CLNK: variants seen among roughly 807,000 people sequenced by gnomAD.
CLNK encodes cytokine-dependent hematopoietic cell linker.
In CLNK, 74 loss-of-function variants were observed where a neutral mutation model predicts 68.6. That is an observed-to-expected ratio of 1.08 (90% CI 0.89 to 1.31). The LOEUF (loss-of-function observed/expected upper bound fraction) is 1.31. Among genes scored for constraint, CLNK ranks in the 50% most tolerant of loss-of-function variants. The pLI is 0.00. For synonymous variants in CLNK, 198 were observed against 172.2 expected (o/e 1.15, Z -1.17); for missense variants, 553 against 515.3 (o/e 1.07, Z -0.71).
intron 18 of CLNK, among the ~76,000 whole-genome samples, chr4:10,492,604 G>T (rs935667434): frequency 6.6e-6 from 1 of 152,124 alleles, no homozygotes. Context: ...GGGGCTGTTG[G>T]GAGGGAACGT....
the CLNK span, among the ~76,000 whole-genome samples, chr4:10,730,532 C>G: frequency 6.6e-6 from 1 of 152,102 alleles, no homozygotes; most frequent in African/African-American, 2.4e-5. Flanking sequence ...TCCAAATTTC[C>G]CTTTCCCCTA....
chr4:10,509,144 A>G (rs1355018227), intron 16 of CLNK, among the ~76,000 whole-genome samples: 1 of 151,244 alleles, frequency 6.6e-6, no homozygotes, highest in Non-Finnish European at 1.5e-5. Flanking sequence ...AACCTGTCAC[A>G]TGGTTGGCAA....
At chr4:10,648,395 C>T (rs1723595482) in intron 2 of CLNK, among the ~76,000 whole-genome samples, 1 of 152,162 alleles carries the variant, frequency 6.6e-6, no homozygotes, top group Admixed American at 6.6e-5. Context: ...TGCAATGCCA[C>T]ATATTTCTCA....
At chr4:10,664,087 C>T (rs548814113) in intron 2 of CLNK, among the ~76,000 whole-genome samples, 48 of 152,180 alleles carry the variant, frequency 3.2e-4, no homozygotes, top group Non-Finnish European at 6.8e-4. Context: ...AAGACTAAGG[C>T]AGATAGTAAG....
At chr4:10,536,972 T>C (rs1718784266) in intron 11 of CLNK, among the ~76,000 whole-genome samples, 1 of 152,154 alleles carries the variant, frequency 6.6e-6, no homozygotes, top group Admixed American at 6.5e-5. Flanking sequence ...TTAAATACCT[T>C]CAAAGCTTTT....
chr4:10,690,788 C>A, the CLNK span, among the ~76,000 whole-genome samples: 3 of 152,114 alleles, frequency 2.0e-5, no homozygotes, highest in African/African-American at 7.2e-5. Flanking sequence ...CATTCATGTC[C>A]CACTGTCTCC....
the CLNK span, among the ~76,000 whole-genome samples, chr4:10,708,152 G>T: frequency 6.6e-5 from 10 of 152,298 alleles, no homozygotes; most frequent in East Asian, 1.9e-3. Flanking sequence ...TGAAGTCAGA[G>T]AGACTGGGCT....
the CLNK span, among the ~76,000 whole-genome samples, chr4:10,724,524 G>T: frequency 6.6e-6 from 1 of 150,492 alleles, no homozygotes; most frequent in Non-Finnish European, 1.5e-5. Flanking sequence ...GTCCAGTGAG[G>T]GCAGAAAGTT....
chr4:10,547,018 A>T (rs546161738), intron 8 of CLNK, among the ~76,000 whole-genome samples: 1 of 152,110 alleles, frequency 6.6e-6, no homozygotes, highest in South Asian at 2.1e-4. Context: ...TCATCTATTA[A>T]CCCATTAACC....
intron 18 of CLNK, among the ~76,000 whole-genome samples, chr4:10,499,904 C>T (rs1716970323): frequency 6.6e-6 from 1 of 152,110 alleles, no homozygotes; most frequent in Non-Finnish European, 1.5e-5. Flanking sequence ...GGACTCATCC[C>T]AATAACCTTG....
intron 11 of CLNK, among the ~76,000 whole-genome samples, chr4:10,533,356 G>A (rs1003819170): frequency 6.6e-6 from 1 of 152,218 alleles, no homozygotes; most frequent in Non-Finnish European, 1.5e-5. Context: ...TATGAAGGGA[G>A]TGGAGTGAGG....
rs73810363 is a variant in CLNK at position 10,661,660 on chromosome 4, A to G, written c.11+6199T>C. On this transcript the variant is annotated intron_variant, in intron 2 of 18. Transcript: ENST00000226951. ...GTATCATTTTTACTCTTTCAGTCTT[A>G]AAACTAGACACTGCATTCAAGTGAG... Among the ~76,000 whole-genome samples the G allele has an allele frequency of 3.2e-3, 494 of 152,334 alleles. 2 individuals are homozygous for G. Among genetic ancestry groups the G allele is most frequent in the African/African-American group, 0.011 (477 of 41,576 alleles).
At chr4:10,558,253 T>C (rs1303067007) in intron 8 of CLNK, among the ~76,000 whole-genome samples, 154 bp downstream of exon 8, 1 of 152,256 alleles carries the variant, frequency 6.6e-6, no homozygotes, top group African/African-American at 2.4e-5. Flanking sequence ...TGTGAGACTC[T>C]GTCTAAAATT....
At chr4:10,521,768 A>G (rs918664180) in intron 14 of CLNK, among the ~76,000 whole-genome samples, 1 of 152,232 alleles carries the variant, frequency 6.6e-6, no homozygotes, top group African/African-American at 2.4e-5. Flanking sequence ...CGTTAAAACC[A>G]GAATCCTTTT....
chr4:10,605,123 A>G (rs1225086893), intron 2 of CLNK, among the ~76,000 whole-genome samples: 2 of 152,176 alleles, frequency 1.3e-5, no homozygotes, highest in Non-Finnish European at 2.9e-5. Flanking sequence ...TAAGACTACA[A>G]CATCAACTCT....
chr4:10,696,497 G>C, the CLNK span, among the ~76,000 whole-genome samples: 1 of 152,154 alleles, frequency 6.6e-6, no homozygotes, highest in East Asian at 1.9e-4. Context: ...GCAGTCTAGG[G>C]GAGCTGAAAC....
chr4:10,693,586 T>G, the CLNK span, among the ~76,000 whole-genome samples: 1 of 152,220 alleles, frequency 6.6e-6, no homozygotes, highest in Non-Finnish European at 1.5e-5. Flanking sequence ...CACCTTGATT[T>G]AGGACTCTGG....
chr4:10,551,460 C>T lies in CLNK; in HGVS notation c.445+6947G>A, dbSNP rs575372948. ...TTTTTTAGTAGAGTTGGGGTTTTAC[C>T]ATGTTGCCCAGGCTCCTGAGTTGTC... On this transcript the variant is annotated intron_variant, in intron 8 of 18. Transcript: ENST00000226951. 2.9e-3 allele frequency among the ~76,000 whole-genome samples: 437 copies of T among 151,578 alleles called. 1 individual carries two copies. Among genetic ancestry groups the T allele is most frequent in the Middle Eastern group, 6.8e-3 (2 of 294 alleles).
intron 16 of CLNK, among the ~76,000 whole-genome samples, chr4:10,509,105 CAA>C (rs35503820): frequency 4.7e-5 from 5 of 105,456 alleles, no homozygotes; most frequent in Admixed American, 2.2e-4. Flanking sequence ...GACTCGGTCT[CAA>C]AAAAAAAAAA....
Sources: allele counts gnomAD v4.1 joint callset (sites outside exome capture counted in the v4.1 genomes callset), GRCh38; gene constraint gnomAD v4.1.1; transcripts MANE v1.5; gene names NCBI Gene and HGNC (gene_info 2026-07-23, HGNC 2026-07-21).